The following RYK variants were observed in gnomAD, a reference collection of about 807,000 sequenced individuals.
The protein encoded by RYK is inactive tyrosine-protein kinase RYK.
A neutral mutation model predicts 70.2 loss-of-function variants in RYK; 21 were observed. The observed-to-expected ratio is 0.30, with a 90% CI of 0.21 to 0.43. RYK has a LOEUF of 0.43. Among genes scored for constraint, RYK ranks in the 20% least tolerant of loss-of-function variants. RYK has a pLI of 1.00. For missense variants in RYK, 604 were observed against 753.3 expected (o/e 0.80, Z 2.32); for synonymous variants, 267 against 278.0 (o/e 0.96, Z 0.39).
intron 7 of RYK, among the ~76,000 whole-genome samples, chr3:134,192,728 C>A (rs1421809459): frequency 6.6e-6 from 1 of 152,078 alleles, no homozygotes; most frequent in African/African-American, 2.4e-5. Flanking sequence ...TGGGAAGAAA[C>A]CTCCCCCCAA....
chr3:134,248,311 G>C (rs1332661066), intron 1 of RYK, among the ~76,000 whole-genome samples: 1 of 152,136 alleles, frequency 6.6e-6, no homozygotes, highest in Admixed American at 6.5e-5. Flanking sequence ...GCATAAATTG[G>C]ATGCTCATCA....
At chr3:134,229,398 AC>A (rs893725870) in intron 1 of RYK, among the ~76,000 whole-genome samples, 2 of 151,158 alleles carry the variant, frequency 1.3e-5, no homozygotes, top group African/African-American at 2.4e-5. Context: ...AAAAAAAAAA[AC>A]GTAGGATAGA....
At chr3:134,170,080 G>A (rs892721270) in intron 13 of RYK, among the ~76,000 whole-genome samples, 2 of 152,148 alleles carry the variant, frequency 1.3e-5, no homozygotes, top group Non-Finnish European at 2.9e-5. Context: ...TCATAGTCAT[G>A]GAAAACAGAA....
chr3:134,176,469 T>C (rs1576505699), intron 11 of RYK, among the ~76,000 whole-genome samples: 1 of 152,250 alleles, frequency 6.6e-6, no homozygotes, highest in East Asian at 1.9e-4. Flanking sequence ...CCTGGTGCAG[T>C]GGCTCATGCC....
intron 14 of RYK, among the ~76,000 whole-genome samples, chr3:134,158,672 C>T (rs533944963): frequency 2.8e-4 from 42 of 152,270 alleles, no homozygotes; most frequent in African/African-American, 9.6e-4. Flanking sequence ...GTGCAGAAAC[C>T]TTCAGGAGGT....
intron 1 of RYK, among the ~76,000 whole-genome samples, chr3:134,236,136 G>T (rs190245512): frequency 2.0e-5 from 3 of 152,184 alleles, no homozygotes; most frequent in Non-Finnish European, 1.5e-5. Context: ...GGGAAATAAA[G>T]TCACTGAGTA....
chr3:134,166,229 T>C (rs536391657), intron 13 of RYK, among the ~76,000 whole-genome samples: 11 of 152,248 alleles, frequency 7.2e-5, no homozygotes, highest in Admixed American at 2.0e-4. Flanking sequence ...GGTACTCTTA[T>C]AAAAGAGACC....
intron 1 of RYK, among the ~76,000 whole-genome samples, chr3:134,230,602 T>C (rs930105900): frequency 5.3e-5 from 8 of 152,222 alleles, no homozygotes; most frequent in East Asian, 3.8e-4. Context: ...TATAAAGTTA[T>C]AGAATAGGCA....
At chr3:134,190,075 T>C (rs1004233949) in intron 8 of RYK, among the ~76,000 whole-genome samples, 1 of 152,186 alleles carries the variant, frequency 6.6e-6, no homozygotes, top group African/African-American at 2.4e-5. Flanking sequence ...TATCCATGTA[T>C]CATCAGGTTT....
intron 1 of RYK, among the ~76,000 whole-genome samples, chr3:134,247,105 G>A (rs1414672467): frequency 1.3e-5 from 2 of 151,976 alleles, no homozygotes; most frequent in African/African-American, 4.8e-5. Context: ...TTTGCTGTGG[G>A]AAAAACAAAA....
At chr3:134,163,539 T>C (rs1007801482) in intron 13 of RYK, among the ~76,000 whole-genome samples, 3 of 152,200 alleles carry the variant, frequency 2.0e-5, no homozygotes, top group African/African-American at 4.8e-5. Context: ...ATATAAGATG[T>C]AAAACAGTTT....
chr3:134,162,010 T>G (rs1269836315), intron 13 of RYK, among the ~76,000 whole-genome samples: 1 of 152,190 alleles, frequency 6.6e-6, no homozygotes, highest in African/African-American at 2.4e-5. Flanking sequence ...CCCAGCTTCC[T>G]GTGGTTGCCG....
intron 1 of RYK, among the ~76,000 whole-genome samples, chr3:134,225,325 G>A (rs1560023908): frequency 1.3e-5 from 2 of 152,114 alleles, no homozygotes; most frequent in Non-Finnish European, 2.9e-5. Flanking sequence ...AAAATTACAT[G>A]AGGCAGTACT....
chr3:134,201,802 T>C (rs1406271310), intron 6 of RYK, among the ~76,000 whole-genome samples: 1 of 152,122 alleles, frequency 6.6e-6, no homozygotes. Flanking sequence ...GGATGATACG[T>C]CTCCACATAA....
intron 1 of RYK, among the ~76,000 whole-genome samples, chr3:134,245,158 G>A (rs2107698654): frequency 6.6e-6 from 1 of 152,252 alleles, no homozygotes; most frequent in East Asian, 1.9e-4. Flanking sequence ...ACACAGGGAT[G>A]ACCTCTATGC....
chr3:134,213,488 T>A (rs1052040534), intron 2 of RYK, among the ~76,000 whole-genome samples: 1 of 152,162 alleles, frequency 6.6e-6, no homozygotes, highest in Admixed American at 6.5e-5. Context: ...AGCCCACTGC[T>A]GGCCCCAGGG....
In RYK at chr3:134,195,108, G is replaced by C. The variant is rs748273875; in HGVS notation, c.863C>G (p.Thr288Arg). The change falls in exon 7 of 15, where the codon ACG becomes AGG. Residue 288 changes from threonine to arginine, a missense_variant. Transcript: ENST00000623711. ...TQTTQYLRAD[T>R]PNNATPITSY... ...GGTGATAGGAGTTGCATTGTTGGGC[G>C]TGTCTGCTCTCAGATACTGAGTCGT... is the stretch of plus-strand genomic sequence containing the variant. 3.7e-6 allele frequency: 6 copies of C among 1,613,154 alleles called. No individual in the cohort carries two copies. The South Asian group carries it at 4.4e-5, about 12-fold the overall frequency.
At chr3:134,215,786 C>A (rs1260680756) in intron 2 of RYK, among the ~76,000 whole-genome samples, 1 of 151,974 alleles carries the variant, frequency 6.6e-6, no homozygotes, top group African/African-American at 2.4e-5. Context: ...ACCTGTAATC[C>A]CAGCATTCTG....
intron 6 of RYK, 67 bp downstream of exon 6, chr3:134,202,663 T>C: frequency 7.0e-7 from 1 of 1,426,570 alleles, no homozygotes; most frequent in South Asian, 1.2e-5. Context: ...CATCGATGTG[T>C]ATGGGCTCCC....
Sources: gnomAD v4.1 joint callset for allele counts (sites outside exome capture counted in the v4.1 genomes callset) on GRCh38, gnomAD v4.1.1 for gene constraint, MANE v1.5 for transcripts, NCBI Gene and HGNC (gene_info 2026-07-23, HGNC 2026-07-21) for gene names.